CLN3: variants seen among roughly 807,000 people sequenced by gnomAD.
CLN3 encodes CLN3 lysosomal/endosomal transmembrane protein, battenin.
CLN3 carries 49 observed loss-of-function variants against 60.7 expected under a neutral mutation model. That is an observed-to-expected ratio of 0.81 (90% confidence interval 0.64 to 1.02). The LOEUF is 1.02. CLN3 is among the 50% of genes least tolerant of loss of function. The pLI, the probability that CLN3 is intolerant of heterozygous loss-of-function variation, is 0.00. For synonymous variants in CLN3, 256 were observed against 245.8 expected, an observed-to-expected ratio of 1.04 and a Z score of -0.39; for missense variants, 516 against 557.4, an observed-to-expected ratio of 0.93 and a Z score of 0.75.
At position 28,482,468 on chromosome 16, in the gene CLN3, C is replaced by T; in HGVS notation, c.906+9G>A. On this transcript the variant is annotated intron_variant, in intron 12 of 15. Coordinates refer to ENST00000636147, the MANE Select transcript of CLN3 (RefSeq NM_001042432.2). Reference sequence around the variant, plus strand: ...CACCTCCACACCCCTCCTAGCACCCCTCACTTACAAGTCCCTGGTTAATGA... The same window carrying T: ...CACCTCCACACCCCTCCTAGCACCCTTCACTTACAAGTCCCTGGTTAATGA... The T allele has an allele frequency of 6.2e-7, 1 of 1,614,178 alleles. No homozygotes were observed. Among genetic ancestry groups the T allele is most frequent in the Non-Finnish European group, 8.5e-7 (1 of 1,180,010 alleles).
Position 28,491,164 on chromosome 16 carries a change from C to G in CLN3, c.125+318G>C, listed in dbSNP as rs1567264215. The G allele has an allele frequency of 1.1e-5, 4 of 375,908 alleles. No individual in the cohort carries two copies. In the East Asian group the frequency reaches 1.8e-4, roughly 17 times the overall value. The allele number at this position is 375,908 out of a possible 1,614,324, so 23.3% of individuals were successfully genotyped here. ...TATTTAAACGTTCACTAGGAAAACGCTGGTTTTCCAAGTGGAGTCGTGATT... is the reference window on the plus strand; with the variant it reads ...TATTTAAACGTTCACTAGGAAAACGGTGGTTTTCCAAGTGGAGTCGTGATT... On this transcript the variant is annotated intron_variant, in intron 3 of 15. Coordinates refer to ENST00000636147, the MANE Select transcript of CLN3 (RefSeq NM_001042432.2).
chr16:28,489,769 G>A (rs578251086), intron 3 of CLN3, among the ~76,000 whole-genome samples: 1 of 151,964 alleles, frequency 6.6e-6, no homozygotes, highest in Non-Finnish European at 1.5e-5. Flanking sequence ...AAAATAAAAA[G>A]GAAGAGGCCG....
At chr16:28,482,727 C>G (rs1179844937) in intron 10 of CLN3, 55 bp from the exon 11 acceptor site, 1 of 1,581,414 alleles carries the variant, frequency 6.3e-7, no homozygotes. Context: ...GAAGACTCGG[C>G]AAAGAGGCAC....
chr16:28,477,440 C>G lies in CLN3; in HGVS notation c.*76G>C. ...TGGGAGCACAGTTCATGGAGGGTCTCTGGGGTGGGCCTGGGTGTCTGACCT... is the reference window on the plus strand; with the variant it reads ...TGGGAGCACAGTTCATGGAGGGTCTGTGGGGTGGGCCTGGGTGTCTGACCT... On this transcript the variant is annotated 3_prime_UTR_variant, in exon 16 of 16. Transcript: ENST00000636147. The G allele has an allele frequency of 6.3e-7, 1 of 1,598,426 alleles. No homozygotes were observed.
Position 28,477,486 on chromosome 16 carries a change from A to G in CLN3, c.*30T>C, listed in dbSNP as rs770360224. The G allele has an allele frequency of 4.3e-6, 7 of 1,611,908 alleles. No homozygotes were observed. Among genetic ancestry groups the G allele is most frequent in the Admixed American group, 1.7e-5 (1 of 59,984 alleles). On this transcript the variant is annotated 3_prime_UTR_variant, in exon 16 of 16. Transcript: ENST00000636147. ...GACCTGTCCCTCTGCCCACAGGTGA[A>G]TGTGACCTGCGTCCTGAGGATCCCG...
chr16:28,487,351 G>T, intron 7 of CLN3, 105 bp downstream of exon 7: 1 of 945,008 alleles, frequency 1.1e-6, no homozygotes, highest in South Asian at 1.3e-5. Flanking sequence ...TTCTAAGGGT[G>T]ACAGAATGAA....
rs1165834254 is a variant in CLN3, at chr16:28,487,444, C to T, written c.460+12G>A. The stretch of plus-strand genomic sequence containing the variant: ...TCGGGGCTCCCCATCTGACACAGAA[C>T]CACACACTCACCACACAGGCTGGTC... On this transcript the variant is annotated intron_variant, in intron 7 of 15. Transcript: ENST00000636147. The T allele has an allele frequency of 6.2e-7, 1 of 1,610,634 alleles. No homozygotes were observed. The highest frequency in any genetic ancestry group is 1.3e-5 in the African/African-American group (1 of 74,964).
intron 3 of CLN3, 139 bp downstream of exon 3, chr16:28,491,343 C>A (rs1476771143): frequency 1.1e-5 from 14 of 1,249,108 alleles, no homozygotes; most frequent in South Asian, 2.6e-5. Context: ...TACATGCTGC[C>A]CCTGGGGCAA....
At chr16:28,487,410 T>G (rs2141714172) in intron 7 of CLN3, 46 bp downstream of exon 7, 5 of 1,460,218 alleles carry the variant, frequency 3.4e-6, no homozygotes, top group Non-Finnish European at 4.8e-6. Context: ...AATGCTCTGA[T>G]GTGGTTCCTC....
intron 3 of CLN3, chr16:28,490,549 A>G (rs1260050316): frequency 6.6e-6 from 1 of 151,348 alleles, no homozygotes; most frequent in African/African-American, 2.4e-5. Flanking sequence ...TCACGAGGTC[A>G]GGAGATCGAG....
At chr16:28,483,713 CTTTTTTTTTTTTTT>C (rs755660742) in intron 10 of CLN3, among the ~76,000 whole-genome samples, 33 of 100,506 alleles carry the variant, frequency 3.3e-4, no homozygotes, top group Admixed American at 4.2e-4. Flanking sequence ...CCTTTCTTTT[CTTTTTTTTTTTTTT>C]TTTTTTTTTT....
chr16:28,487,566 G>T lies in CLN3; in HGVS notation c.375-25C>A, dbSNP rs1454577623. 4 of 1,606,448 alleles carry T rather than the reference G, an allele frequency of 2.5e-6. No homozygotes were observed. In the South Asian group the frequency reaches 4.4e-5, roughly 18 times the overall value. On this transcript the variant is annotated intron_variant, in intron 6 of 15. Transcript: ENST00000636147. ...GCTGAGGGGGTGAGAAGGGAAGGGAGGGGGAAGGTCGGTCTCTACTCTCAG... is the reference window on the plus strand; with the variant it reads ...GCTGAGGGGGTGAGAAGGGAAGGGATGGGGAAGGTCGGTCTCTACTCTCAG...
chr16:28,485,953 A>G (rs2046206859), intron 9 of CLN3, among the ~76,000 whole-genome samples: 2 of 151,870 alleles, frequency 1.3e-5, no homozygotes, highest in South Asian at 4.1e-4. Context: ...ACAGCAAGGT[A>G]GGGACTTGAA....
At chr16:28,470,558 G>A (rs1349232898), downstream of CLN3, 4 of 121,934 alleles carry the variant, frequency 3.3e-5, no homozygotes, top group African/African-American at 1.3e-4. Context: ...GGGGAGGGGA[G>A]GGGGAGGGGA....
chr16:28,483,896 T>C (rs1053298976), intron 10 of CLN3, 110 bp downstream of exon 10: 11 of 782,478 alleles, frequency 1.4e-5, no homozygotes, highest in African/African-American at 1.2e-4. Context: ...GCTTTTCCCA[T>C]AACCAGTACA....
rs2141712916 is a variant in CLN3 at position 28,486,614 on chromosome 16, T to C, written c.497A>G (p.Glu166Gly). The C allele has an allele frequency of 6.2e-7, 1 of 1,611,224 alleles. No homozygotes were observed. The highest frequency in any genetic ancestry group is 1.3e-5 in the African/African-American group (1 of 74,926). Residue 166 changes from glutamate (E) to glycine (G), a missense_variant, in exon 8 of 16, where the codon GAG becomes GGG. Transcript: ENST00000636147. ...VFASISSGLG[E>G]VTFLSLTAFY... ...GGCAGTGAGGGAGAGGAAGGTGACC[T>C]CCCCAAGGCCTGATGAGATGCTAGC...
downstream of CLN3, among the ~76,000 whole-genome samples, chr16:28,472,566 C>T (rs568528859): frequency 5.9e-5 from 9 of 151,354 alleles, no homozygotes; most frequent in Admixed American, 4.6e-4. Context: ...GGAGGCTGGG[C>T]GCGCTGGTTC....
At chr16:28,472,805 A>G (rs2045962292), downstream of CLN3, among the ~76,000 whole-genome samples, 1 of 150,614 alleles carries the variant, frequency 6.6e-6, no homozygotes, top group African/African-American at 2.4e-5. Flanking sequence ...TGTTTCAAAA[A>G]AAAAAAAAAA....
chr16:28,469,362 G>A (rs1234310692), downstream of CLN3, among the ~76,000 whole-genome samples: 1 of 117,470 alleles, frequency 8.5e-6, no homozygotes, highest in Non-Finnish European at 2.0e-5. Context: ...ACTTTGGGAG[G>A]CCGAGGCGGG....
Sources: allele counts gnomAD v4.1 joint callset (sites outside exome capture counted in the v4.1 genomes callset), GRCh38; gene constraint gnomAD v4.1.1; transcripts MANE v1.5; gene names NCBI Gene and HGNC (gene_info 2026-07-23, HGNC 2026-07-21).